The following ELP1 variants were observed in gnomAD, a reference collection of about 807,000 sequenced individuals.
ELP1 encodes elongator acetyltransferase complex subunit 1.
Under a neutral mutation model 183.2 loss-of-function variants are expected in ELP1, and 131 were observed. That is an observed-to-expected ratio of 0.72 (90% CI 0.62 to 0.83). The LOEUF (loss-of-function observed/expected upper bound fraction) is 0.83. Among genes scored for constraint, ELP1 ranks in the 40% least tolerant of loss-of-function variants. ELP1 has a pLI of 0.00. For synonymous variants in ELP1, 555 were observed against 569.0 expected (o/e 0.98, Z 0.35); for missense variants, 1,550 against 1,594.9 (o/e 0.97, Z 0.48).
chr9:108,916,224 C>G lies in ELP1; in HGVS notation c.938G>C (p.Ser313Thr). ...VWLEDLQREE[S>T]SIPKTCVQLW... ...CTTACCACAGGTTTTCGGAATGGAG[C>G]TTTCTTCTCTCTGAAGGTCTTCCAG... is the stretch of plus-strand genomic sequence containing the variant. The change falls in exon 10 of 37, where the codon AGC (serine) becomes ACC (threonine). Residue 313 changes from serine (S) to threonine (T), a missense_variant. Transcript: ENST00000374647. The G allele has an allele frequency of 6.2e-7, 1 of 1,614,098 alleles. No individual in the cohort carries two copies. Among genetic ancestry groups the G allele is most frequent in the Non-Finnish European group, 8.5e-7 (1 of 1,179,936 alleles).
At chr9:108,882,929 C>T (rs1173656546) in intron 29 of ELP1, among the ~76,000 whole-genome samples, 2 of 152,070 alleles carry the variant, frequency 1.3e-5, no homozygotes, top group Non-Finnish European at 2.9e-5. Flanking sequence ...TGCAGGAGTT[C>T]CTTACATATT....
chr9:108,886,329 C>G (rs1264946689), intron 29 of ELP1, among the ~76,000 whole-genome samples: 1 of 152,068 alleles, frequency 6.6e-6, no homozygotes, highest in Non-Finnish European at 1.5e-5. Flanking sequence ...TTTGTCACCC[C>G]TCAATGACAG....
chr9:108,932,842 T>G (rs1830042654), intron 1 of ELP1, among the ~76,000 whole-genome samples: 1 of 152,152 alleles, frequency 6.6e-6, no homozygotes, highest in Admixed American at 6.5e-5. Context: ...ACCTCCAACC[T>G]TCCTGCCTCC....
At chr9:108,911,519 T>C (rs1006053483) in intron 11 of ELP1, among the ~76,000 whole-genome samples, 3 of 152,182 alleles carry the variant, frequency 2.0e-5, no homozygotes, top group Admixed American at 6.5e-5. Context: ...ATTAATACTT[T>C]CAAAATCCTT....
At chr9:108,930,897 T>A in intron 2 of ELP1, 100 bp downstream of exon 2, 1 of 1,128,056 alleles carries the variant, frequency 8.9e-7, no homozygotes, top group Non-Finnish European at 1.3e-6. Flanking sequence ...AGGATATAAA[T>A]TCAATAAGAT....
At chr9:108,874,115 C>T (rs1827601599) in intron 36 of ELP1, among the ~76,000 whole-genome samples, 2 of 151,978 alleles carry the variant, frequency 1.3e-5, no homozygotes, top group Admixed American at 6.6e-5. Context: ...TGTAGCACTT[C>T]GGTGAAAAAA....
At position 108,912,345 on chromosome 9, in the gene ELP1, C is replaced by T. The variant is rs768886458; in HGVS notation, c.1108G>A (p.Ala370Thr). The change falls in exon 11 of 37, where the codon GCC becomes ACC. Residue 370 changes from alanine to threonine, a missense_variant. Ala to Thr is a moderately conservative substitution (Grantham distance 58, BLOSUM62 0). Coordinates refer to ENST00000374647, the MANE Select transcript of ELP1 (RefSeq NM_003640.5). ...TCAGTCGTCCAGTGCCAATCATAGG[C>T]GAGGTAATGCCAGCCCTGACAGAGA... is the stretch of plus-strand genomic sequence containing the variant. The part of the protein sequence containing the change: ...HVLCQGWHYL[A>T]YDWHWTTDRS... 13 of 1,614,008 alleles carry T rather than the reference C, an allele frequency of 8.1e-6. No homozygotes were observed. The highest frequency in any genetic ancestry group is 5.5e-5 in the South Asian group (5 of 91,092).
At chr9:108,904,496 A>T (rs1410765909) in intron 14 of ELP1, among the ~76,000 whole-genome samples, 1 of 152,220 alleles carries the variant, frequency 6.6e-6, no homozygotes, top group Non-Finnish European at 1.5e-5. Context: ...CTAACATTTA[A>T]TTCAAAGTTT....
chr9:108,906,347 T>G lies in ELP1; in HGVS notation c.1599A>C (p.Ala533=). The G allele has an allele frequency of 1.2e-6, 2 of 1,614,088 alleles. No homozygotes were observed. Among genetic ancestry groups the G allele is most frequent in the Non-Finnish European group, 1.7e-6 (2 of 1,179,942 alleles). The change falls in exon 14 of 37, where the codon GCA becomes GCC. Residue 533 remains alanine (A), a synonymous_variant. Coordinates refer to ENST00000374647, the MANE Select transcript of ELP1 (RefSeq NM_003640.5). ...GCTCTTCATCCATCTCAGAAGAAGC[T>G]GCAGTCAAATGGTGAATGACAGACC... is the stretch of plus-strand genomic sequence containing the variant. ...SPRSVIHHLT[A]ASSEMDEEHG...
At chr9:108,893,380 C>T (rs56215720) in intron 26 of ELP1, among the ~76,000 whole-genome samples, 18,220 of 152,170 alleles carry the variant, frequency 0.12, 1,279 homozygotes, top group African/African-American at 0.15. Flanking sequence ...TAGACACATG[C>T]ACGCCTCAGT....
chr9:108,875,733 T>C (rs76846430), intron 35 of ELP1: 23,396 of 428,128 alleles, frequency 0.055, 1,033 homozygotes, highest in Admixed American at 0.15. Context: ...CCTCTCCCCA[T>C]GTCTAGGAAA....
chr9:108,898,359 AC>A (rs1564085238), intron 22 of ELP1, 142 bp downstream of exon 22: 2 of 631,310 alleles, frequency 3.2e-6, no homozygotes, highest in Non-Finnish European at 5.6e-6. Flanking sequence ...AGAGCAAAAA[AC>A]CAACTGGCAT....
chr9:108,878,673 G>A lies in ELP1; in HGVS notation c.3650C>T (p.Ala1217Val). The A allele has an allele frequency of 6.2e-7, 1 of 1,614,046 alleles. No homozygotes were observed. The highest frequency in any genetic ancestry group is 2.2e-5 in the East Asian group (1 of 44,882). Residue 1217 changes from alanine to valine, a missense_variant, in exon 34 of 37, where the codon GCC (alanine) becomes GTC (valine). Ala to Val is a moderately conservative substitution (Grantham distance 64). Transcript: ENST00000374647. ...CACTTCACTCAGTGCCTCCAGGAGG[G>A]CCAGGTCCTCCAGCGGACTGCCTTC... Reference protein sequence around the residue: ...LKEGSPLEDLALLEALSEVVQ... With the variant: ...LKEGSPLEDLVLLEALSEVVQ...
chr9:108,921,446 T>G (rs1186383706), intron 6 of ELP1, among the ~76,000 whole-genome samples: 1 of 152,224 alleles, frequency 6.6e-6, no homozygotes, highest in Non-Finnish European at 1.5e-5. Context: ...AAAGTGCTAT[T>G]TTTAAATCGA....
intron 6 of ELP1, among the ~76,000 whole-genome samples, chr9:108,921,523 A>G (rs1829645836): frequency 6.6e-6 from 1 of 152,044 alleles, no homozygotes; most frequent in African/African-American, 2.4e-5. Context: ...GAATATTCAA[A>G]TTGCACCAAC....
chr9:108,912,307 T>C lies in ELP1; in HGVS notation c.1146A>G (p.Gly382=). 2 of 1,614,128 alleles carry C rather than the reference T, an allele frequency of 1.2e-6. No homozygotes were observed. The highest frequency in any genetic ancestry group is 1.1e-5 in the South Asian group (1 of 91,078). Residue 382 remains glycine, a synonymous_variant, in exon 11 of 37, where the codon GGA becomes GGG. Transcript: ENST00000374647. ...DWHWTTDRSV[G]DNSSDLSNVA... ...CATTGGACAAGTCACTTGAATTATCTCCCACGCTCCGGTCAGTCGTCCAGT... is the reference window on the plus strand; with the variant it reads ...CATTGGACAAGTCACTTGAATTATCCCCCACGCTCCGGTCAGTCGTCCAGT...
chr9:108,872,259 G>C (rs1436756086), intron 36 of ELP1, among the ~76,000 whole-genome samples: 2 of 152,142 alleles, frequency 1.3e-5, no homozygotes, highest in Non-Finnish European at 2.9e-5. Context: ...GGTAACACTT[G>C]AGCTCACTCA....
intron 16 of ELP1, 86 bp from the exon 17 acceptor site, chr9:108,901,767 T>G: frequency 7.8e-7 from 1 of 1,279,644 alleles, no homozygotes; most frequent in Non-Finnish European, 1.1e-6. Flanking sequence ...TCTACCACCC[T>G]ATGATTTCAC....
intron 5 of ELP1, 21 bp from the exon 6 acceptor site, chr9:108,922,948 CAACT>C: frequency 2.6e-6 from 4 of 1,545,510 alleles, no homozygotes; most frequent in Non-Finnish European, 3.6e-6. Flanking sequence ...ATTGGCAAGA[CAACT>C]AATAAGCCAC....
Sources: allele counts gnomAD v4.1 joint callset (sites outside exome capture counted in the v4.1 genomes callset), GRCh38; gene constraint gnomAD v4.1.1; transcripts MANE v1.5; gene names NCBI Gene and HGNC (gene_info 2026-07-23, HGNC 2026-07-21).